TMEM8B: variants seen among roughly 807,000 people sequenced by gnomAD.
TMEM8B encodes transmembrane protein 8B, also known as nasopharyngeal carcinoma expressed 6.
In TMEM8B, 29 loss-of-function variants were observed where a neutral mutation model predicts 49.3. The observed-to-expected ratio is 0.59, with a 90% CI of 0.44 to 0.80. The LOEUF is 0.80. Among genes scored for constraint, TMEM8B ranks in the 30% least tolerant of loss-of-function variants. The probability of loss-of-function intolerance (pLI) is 0.00; values close to 1 mark genes in which losing one functional copy is unlikely to be tolerated. For missense variants in TMEM8B, 575 were observed against 658.5 expected (o/e 0.87, Z 1.39); for synonymous variants, 264 against 272.8 (o/e 0.97, Z 0.32).
Position 35,853,575 on chromosome 9 carries a change from C to G in TMEM8B, c.2510C>G (p.Pro837Arg). The G allele has an allele frequency of 6.2e-7, 1 of 1,614,236 alleles. No homozygotes were observed. Among genetic ancestry groups the G allele is most frequent in the Non-Finnish European group, 8.5e-7 (1 of 1,180,044 alleles). ...TWRRWLFYLC[P>R]GSLIAGSAVL... is the part of the protein sequence containing the mutation. ...CGCCGCTGGCTTTTCTACTTGTGCC[C>G]TGGCAGCCTTATTGCAGGCAGTGCC... is the stretch of plus-strand genomic sequence containing the variant. Residue 837 changes from proline (P) to arginine (R), a missense_variant, in exon 13 of 13, where the codon CCT (proline) becomes CGT (arginine). Physicochemically the swap from Pro to Arg is moderately radical, Grantham distance 103 (BLOSUM62 -2). Coordinates refer to ENST00000643932, the MANE Select transcript of TMEM8B (RefSeq NM_001042590.4). This position sits in a 1 kb window ranked among gnomAD's most constrained non-coding sequence, Gnocchi z 4.2.
In TMEM8B at chr9:35,853,290, C is replaced by T; in HGVS notation, c.2439+33C>T. On this transcript the variant is annotated intron_variant, in intron 12 of 12. Transcript: ENST00000643932. This position sits in a 1 kb window ranked among gnomAD's most constrained non-coding sequence, Gnocchi z 4.2. Reference sequence around the variant, plus strand: ...TGGGGAGGGATGTGGGGGGAGGGTCCCAGCAGGACTTGGGTGCTGGGCCCC... The same window carrying T: ...TGGGGAGGGATGTGGGGGGAGGGTCTCAGCAGGACTTGGGTGCTGGGCCCC... 1.3e-6 allele frequency: 2 copies of T among 1,581,518 alleles called. No homozygotes were observed. Among genetic ancestry groups the T allele is most frequent in the Non-Finnish European group, 1.7e-6 (2 of 1,151,420 alleles).
At chr9:35,847,139 C>T in intron 10 of TMEM8B, 144 bp downstream of exon 10, 1 of 1,613,952 alleles carries the variant, frequency 6.2e-7, no homozygotes, top group South Asian at 1.1e-5. Context: ...CAGTGCTTCC[C>T]AAACTGTCAT....
In TMEM8B at chr9:35,861,452, C is replaced by T. The variant is rs1832652712; in HGVS notation, c.*7612C>T. On this transcript the variant is annotated 3_prime_UTR_variant, in exon 13 of 13. Transcript: ENST00000643932. ...TTCTTGTGCTCCCACTGCCCTTGGC[C>T]ATCCCTCTGTGTCATTGTGCGCTGT... The T allele has an allele frequency of 1.3e-5, 2 of 153,418 alleles. No individual in the cohort carries two copies. Among genetic ancestry groups the T allele is most frequent in the Non-Finnish European group, 1.5e-5 (1 of 68,746 alleles). The allele number at this position is 153,418 out of a possible 1,614,324, so 9.5% of individuals were successfully genotyped here.
At chr9:35,834,971 C>A (rs1417737251) in intron 2 of TMEM8B, 40 bp from the exon 3 acceptor site, 2 of 415,620 alleles carry the variant, frequency 4.8e-6, no homozygotes, top group Non-Finnish European at 8.8e-6. Context: ...CCTCCCACCC[C>A]ATTGTCTGCT....
chr9:35,847,278 T>C (rs548733814), intron 10 of TMEM8B: 7 of 842,364 alleles, frequency 8.3e-6, no homozygotes, highest in East Asian at 2.4e-5. Context: ...AGGGGACCTT[T>C]ACTCAAATCA....
At chr9:35,850,716 G>A (rs1238311141) in intron 10 of TMEM8B, among the ~76,000 whole-genome samples, 2 of 152,156 alleles carry the variant, frequency 1.3e-5, no homozygotes, top group Non-Finnish European at 2.9e-5. Flanking sequence ...TGTCTTCAAT[G>A]TTTAGTGATT....
intron 3 of TMEM8B, among the ~76,000 whole-genome samples, chr9:35,836,839 C>T (rs562584646): frequency 9.9e-5 from 15 of 152,168 alleles, no homozygotes; most frequent in African/African-American, 3.1e-4. Flanking sequence ...ACCATCCCAC[C>T]GTGCCCACGA....
rs563686816 is a variant in TMEM8B, at chr9:35,844,478, G to A, written c.1636-1497G>A. Among the ~76,000 whole-genome samples, 29 of 152,358 alleles carry A rather than the reference G, an allele frequency of 1.9e-4. No homozygotes were observed. The South Asian group carries it at 5.6e-3, about 29-fold the overall frequency. On this transcript the variant is annotated intron_variant, in intron 6 of 12. Transcript: ENST00000643932. ...TTCCCATCAGCCAACCTGAGGCCTG[G>A]TCTGTGGCTTCATGTGGTCTTTTAT...
chr9:35,853,059 G>A lies in TMEM8B; in HGVS notation c.2323-82G>A. The A allele has an allele frequency of 1.2e-6, 2 of 1,608,900 alleles. No homozygotes were observed. The highest frequency in any genetic ancestry group is 2.2e-5 in the South Asian group (2 of 90,882). On this transcript the variant is annotated intron_variant, in intron 11 of 12. Coordinates refer to ENST00000643932, the MANE Select transcript of TMEM8B (RefSeq NM_001042590.4). The surrounding 1 kb of genome is among the most constrained non-coding windows in gnomAD (Gnocchi z 4.2). Reference sequence around the variant, plus strand: ...GACCTCTCCCTGGGGGCATTTCCAAGTGCCTCTCATGATTCTGACCCAGGC... The same window carrying A: ...GACCTCTCCCTGGGGGCATTTCCAAATGCCTCTCATGATTCTGACCCAGGC...
In TMEM8B at chr9:35,842,251, C is replaced by T; in HGVS notation, c.1310-141C>T. Reference sequence around the variant, plus strand: ...GGAAACCCCTATAAACCTGGATGCCCCACACTCCCAAGGGACATCGCATTC... The same window carrying T: ...GGAAACCCCTATAAACCTGGATGCCTCACACTCCCAAGGGACATCGCATTC... On this transcript the variant is annotated intron_variant, in intron 5 of 12. Coordinates refer to ENST00000643932, the MANE Select transcript of TMEM8B (RefSeq NM_001042590.4). This position sits in a 1 kb window ranked among gnomAD's most constrained non-coding sequence, Gnocchi z 5.6. The T allele has an allele frequency of 3.3e-6, 2 of 600,776 alleles. No individual in the cohort carries two copies. The highest frequency in any genetic ancestry group is 3.1e-5 in the East Asian group (1 of 31,946). 37.2% of individuals were successfully genotyped at this position (600,776 alleles called of 1,614,324 possible).
At position 35,841,499 on chromosome 9, in the gene TMEM8B, C is replaced by G; in HGVS notation, c.1041-27C>G. 1 of 416,738 alleles carries G rather than the reference C, an allele frequency of 2.4e-6. No homozygotes were observed. The allele number at this position is 416,738 out of a possible 1,614,324, so 25.8% of individuals were successfully genotyped here. On this transcript the variant is annotated intron_variant, in intron 4 of 12. Transcript: ENST00000643932. The surrounding 1 kb of genome is among the most constrained non-coding windows in gnomAD (Gnocchi z 5.9). ...TTCCTCTCGCCTCTGTTTGTGCCTT[C>G]TTACCCCCAACCTCTCCTCTGCCCA...
chr9:35,857,464 C>T lies in TMEM8B; in HGVS notation c.*3624C>T, dbSNP rs1421061389. On this transcript the variant is annotated 3_prime_UTR_variant, in exon 13 of 13. Coordinates refer to ENST00000643932, the MANE Select transcript of TMEM8B (RefSeq NM_001042590.4). ...GCTATTATCAGAGAACAGCACAATA[C>T]ATACAAGGGTGCGAAGACATGGGGG... 1 of 152,250 alleles carries T rather than the reference C, an allele frequency of 6.6e-6. No individual in the cohort carries two copies. The highest frequency in any genetic ancestry group is 1.5e-5 in the Non-Finnish European group (1 of 68,068). The allele number at this position is 152,250 out of a possible 1,614,324, so 9.4% of individuals were successfully genotyped here. A position where few individuals can be genotyped will look rare whatever the true frequency, so the allele number is the denominator to read the frequency against.
intron 1 of TMEM8B, among the ~76,000 whole-genome samples, chr9:35,831,397 T>C (rs1332378909): frequency 6.6e-6 from 1 of 152,188 alleles, no homozygotes; most frequent in Non-Finnish European, 1.5e-5. Flanking sequence ...CTGGAGACCC[T>C]TTCTCAGCAG....
chr9:35,861,304 G>C lies in TMEM8B; in HGVS notation c.*7464G>C, dbSNP rs574039547. 7 of 152,430 alleles carry C rather than the reference G, an allele frequency of 4.6e-5. No individual in the cohort carries two copies. Among genetic ancestry groups the C allele is most frequent in the African/African-American group, 1.7e-4 (7 of 41,560 alleles). The allele number at this position is 152,430 out of a possible 1,614,324, so 9.4% of individuals were successfully genotyped here. ...TCTCTTTTCCCAGCTCCGCACCTTTGTCCGAGATGGAGGCGTGTCCTCCCG... is the reference window on the plus strand; with the variant it reads ...TCTCTTTTCCCAGCTCCGCACCTTTCTCCGAGATGGAGGCGTGTCCTCCCG... On this transcript the variant is annotated 3_prime_UTR_variant, in exon 13 of 13. Transcript: ENST00000643932.
intron 3 of TMEM8B, among the ~76,000 whole-genome samples, chr9:35,835,820 C>T (rs1299910192): frequency 1.3e-5 from 2 of 152,228 alleles, no homozygotes; most frequent in African/African-American, 4.8e-5. Flanking sequence ...CCACCCCAAG[C>T]ACTTATTTCA....
At chr9:35,847,057 G>C (rs1831668966) in intron 10 of TMEM8B, 62 bp downstream of exon 10, 1 of 1,614,100 alleles carries the variant, frequency 6.2e-7, no homozygotes, top group African/African-American at 1.3e-5. Flanking sequence ...GTCACAGTCT[G>C]TATTTCCACC....
rs1430395162 is a variant in TMEM8B, at chr9:35,865,159, C to T, written c.*11319C>T. ...GACAGAGAATCTGAATACTGGGTCACGTTGCAGTTCTGCGCCTTGGATGCC... is the reference window on the plus strand; with the variant it reads ...GACAGAGAATCTGAATACTGGGTCATGTTGCAGTTCTGCGCCTTGGATGCC... On this transcript the variant is annotated 3_prime_UTR_variant, in exon 13 of 13. Transcript: ENST00000643932. 8 of 152,218 alleles carry T rather than the reference C, an allele frequency of 5.3e-5. No individual in the cohort carries two copies. Among genetic ancestry groups the T allele is most frequent in the East Asian group, 1.9e-4 (1 of 5,198 alleles). 9.4% of individuals were successfully genotyped at this position (152,218 alleles called of 1,614,324 possible).
Position 35,842,448 on chromosome 9 carries a change from C to A in TMEM8B, c.1366C>A (p.Pro456Thr). 4 of 1,576,210 alleles carry A rather than the reference C, an allele frequency of 2.5e-6. No homozygotes were observed. Among genetic ancestry groups the A allele is most frequent in the Non-Finnish European group, 3.5e-6 (4 of 1,158,036 alleles). ...ALVPGAAMNM[P>T]QSLGNQPLPP... The stretch of plus-strand genomic sequence containing the variant: ...GGTCCCTGGAGCTGCCATGAACATG[C>A]CCCAGTCCCTGGGCAACCAGCCACT... Residue 456 changes from proline to threonine, a missense_variant, in exon 6 of 13, where the codon CCC becomes ACC. Pro to Thr is a conservative substitution (Grantham distance 38). Coordinates refer to ENST00000643932, the MANE Select transcript of TMEM8B (RefSeq NM_001042590.4). The surrounding 1 kb of genome is among the most constrained non-coding windows in gnomAD (Gnocchi z 5.6).
At position 35,842,582 on chromosome 9, in the gene TMEM8B, C is replaced by T. The variant is rs200005521; in HGVS notation, c.1500C>T (p.Thr500=). 43 of 1,614,144 alleles carry T rather than the reference C, an allele frequency of 2.7e-5. No homozygotes were observed. Among genetic ancestry groups the T allele is most frequent in the Non-Finnish European group, 3.2e-5 (38 of 1,180,054 alleles). The change falls in exon 6 of 13, where the codon ACC becomes ACT. Residue 500 remains threonine (T), a synonymous_variant. Coordinates refer to ENST00000643932, the MANE Select transcript of TMEM8B (RefSeq NM_001042590.4). The surrounding 1 kb of genome is among the most constrained non-coding windows in gnomAD (Gnocchi z 5.6). The part of the protein sequence containing the change: ...VRPTLRNELD[T]FSVHFYIFFG... ...CGACTCTGCGCAACGAGCTGGACAC[C>T]TTCTCTGTCCACTTCTACATCTTCT...
Sources: gnomAD v4.1 joint callset for allele counts (sites outside exome capture counted in the v4.1 genomes callset) on GRCh38, gnomAD v4.1.1 for gene constraint, Gnocchi (gnomAD v3.1) non-coding constraint, MANE v1.5 for transcripts, NCBI Gene and HGNC (gene_info 2026-07-23, HGNC 2026-07-21) for gene names.